Variants in RELCH observed in about 807,000 individuals in gnomAD.
RELCH encodes the protein RAB11-binding protein RELCH.
A neutral mutation model predicts 150.3 loss-of-function variants in RELCH; 41 were observed. The observed-to-expected ratio is 0.27, with a 90% CI of 0.21 to 0.35. The LOEUF (loss-of-function observed/expected upper bound fraction) is 0.35. Among genes scored for constraint, RELCH ranks in the 10% least tolerant of loss-of-function variants. RELCH has a pLI of 1.00. For missense variants in RELCH, 1,092 were observed against 1,467.8 expected (o/e 0.74, Z 4.18); for synonymous variants, 478 against 531.8 (o/e 0.90, Z 1.39).
chr18:62,228,773 T>C (rs1159960182), intron 8 of RELCH, among the ~76,000 whole-genome samples, 175 bp downstream of exon 8: 1 of 152,112 alleles, frequency 6.6e-6, no homozygotes, highest in Non-Finnish European at 1.5e-5. Flanking sequence ...GTCACAAAAT[T>C]ATTAGTTACT....
intron 8 of RELCH, among the ~76,000 whole-genome samples, chr18:62,229,224 A>G (rs1426257827): frequency 1.3e-5 from 2 of 152,054 alleles, no homozygotes; most frequent in Non-Finnish European, 2.9e-5. Context: ...CTCTTTTTAT[A>G]TGTCAGACAG....
intron 10 of RELCH, among the ~76,000 whole-genome samples, chr18:62,239,818 C>T (rs1243597231): frequency 1.3e-5 from 2 of 151,936 alleles, no homozygotes; most frequent in African/African-American, 2.4e-5. Flanking sequence ...TACATGTTTA[C>T]GTTACCTTCT....
At chr18:62,295,827 C>A (rs891986067) in intron 27 of RELCH, among the ~76,000 whole-genome samples, 1 of 152,186 alleles carries the variant, frequency 6.6e-6, no homozygotes, top group Non-Finnish European at 1.5e-5. Flanking sequence ...CCCACCTTGG[C>A]CTCCCACAGT....
intron 1 of RELCH, among the ~76,000 whole-genome samples, chr18:62,192,171 C>G (rs577941484): frequency 3.9e-5 from 6 of 152,098 alleles, no homozygotes; most frequent in Admixed American, 2.6e-4. Flanking sequence ...TTTTCATATG[C>G]TTGTTGCCGC....
At chr18:62,245,481 C>T (rs1200465521) in intron 11 of RELCH, among the ~76,000 whole-genome samples, 1 of 152,008 alleles carries the variant, frequency 6.6e-6, no homozygotes, top group East Asian at 1.9e-4. Flanking sequence ...AAAAAATCAG[C>T]TGGGCGTGGT....
chr18:62,281,336 T>C (rs1274076670), intron 24 of RELCH, among the ~76,000 whole-genome samples: 1 of 152,202 alleles, frequency 6.6e-6, no homozygotes, highest in African/African-American at 2.4e-5. Context: ...ATCTCAGTTA[T>C]AAATGAAGGC....
chr18:62,192,743 G>A (rs1224688970), intron 1 of RELCH, among the ~76,000 whole-genome samples: 2 of 151,862 alleles, frequency 1.3e-5, no homozygotes, highest in Non-Finnish European at 2.9e-5. Context: ...CTGTTGGTCC[G>A]TGTCTGTTTT....
intron 19 of RELCH, 94 bp downstream of exon 19, chr18:62,266,843 C>T: frequency 2.8e-6 from 2 of 714,276 alleles, no homozygotes; most frequent in Non-Finnish European, 4.6e-6. Context: ...TATAAATGAA[C>T]TAGCAACTAC....
chr18:62,293,036 C>T (rs1022544472), intron 27 of RELCH, among the ~76,000 whole-genome samples: 3 of 152,152 alleles, frequency 2.0e-5, no homozygotes, highest in African/African-American at 4.8e-5. Context: ...TTTCATCCTG[C>T]GCCCTTTCTC....
chr18:62,252,822 C>G, intron 12 of RELCH, 68 bp downstream of exon 12: 1 of 1,180,616 alleles, frequency 8.5e-7, no homozygotes, highest in Admixed American at 1.8e-5. Context: ...ACATAGTTTC[C>G]TTTTTAAAGG....
chr18:62,285,811 C>T (rs573099499), intron 25 of RELCH: 1 of 152,306 alleles, frequency 6.6e-6, no homozygotes, highest in Admixed American at 6.5e-5. Flanking sequence ...ATTATTAAAT[C>T]ATCTCCTGGT....
chr18:62,264,982 A>T, intron 18 of RELCH, 130 bp downstream of exon 18: 1 of 677,080 alleles, frequency 1.5e-6, no homozygotes, highest in Non-Finnish European at 2.3e-6. Context: ...ATCCTAGAAT[A>T]CTATGATAGT....
At chr18:62,280,552 A>G in intron 23 of RELCH, 94 bp from the exon 24 acceptor site, 1 of 1,263,914 alleles carries the variant, frequency 7.9e-7, no homozygotes, top group Non-Finnish European at 1.2e-6. Context: ...AGACTAATAC[A>G]GTATATTTAC....
intron 10 of RELCH, among the ~76,000 whole-genome samples, chr18:62,240,253 T>C (rs1049818715): frequency 1.3e-5 from 2 of 152,040 alleles, no homozygotes; most frequent in Admixed American, 1.3e-4. Flanking sequence ...CTTCAGTCGT[T>C]TCTACTCCAT....
intron 19 of RELCH, among the ~76,000 whole-genome samples, chr18:62,267,693 A>AT (rs2043663862): frequency 6.6e-6 from 1 of 151,782 alleles, no homozygotes; most frequent in African/African-American, 2.4e-5. Context: ...CCTAATGTTT[A>AT]TTTTTAATGT....
chr18:62,236,115 A>C (rs1017567657), intron 10 of RELCH, among the ~76,000 whole-genome samples: 2 of 151,974 alleles, frequency 1.3e-5, no homozygotes, highest in Non-Finnish European at 2.9e-5. Context: ...TTGTCATATT[A>C]AAGAAGTTTC....
chr18:62,204,784 CCTTT>C (rs1460712792), intron 1 of RELCH, among the ~76,000 whole-genome samples: 2 of 152,196 alleles, frequency 1.3e-5, no homozygotes, highest in African/African-American at 2.4e-5. Flanking sequence ...AAATTTGTTT[CCTTT>C]CTTTTAGTGA....
chr18:62,284,883 G>A lies in RELCH; in HGVS notation c.3253+2439G>A, dbSNP rs1032449723. Among the ~76,000 whole-genome samples the A allele has an allele frequency of 5.3e-5, 8 of 152,040 alleles. No individual in the cohort carries two copies. The East Asian group carries it at 5.8e-4, about 11-fold the overall frequency. On this transcript the variant is annotated intron_variant, in intron 25 of 28. Transcript: ENST00000644646. ...AACCAGTTGTTTTATCTGGAACACC[G>A]TAGAGTTGTTTTTTGTTTTCAGCTA...
At chr18:62,278,477 T>A (rs1355253069) in intron 22 of RELCH, among the ~76,000 whole-genome samples, 1 of 152,150 alleles carries the variant, frequency 6.6e-6, no homozygotes, top group African/African-American at 2.4e-5. Flanking sequence ...GAAAAATCAT[T>A]GCAAAATTAA....
Sources: allele counts gnomAD v4.1 joint callset (sites outside exome capture counted in the v4.1 genomes callset), GRCh38; gene constraint gnomAD v4.1.1; transcripts MANE v1.5; gene names NCBI Gene and HGNC (gene_info 2026-07-23, HGNC 2026-07-21).